PTPRN2: variants seen among roughly 807,000 people sequenced by gnomAD.
The protein encoded by PTPRN2 is protein tyrosine phosphatase receptor type N2.
A neutral mutation model predicts 118.8 loss-of-function variants in PTPRN2; 74 were observed. The observed-to-expected ratio is 0.62, with a 90% CI of 0.52 to 0.76. PTPRN2 has a LOEUF of 0.76. Ranked by LOEUF, PTPRN2 falls within the 30% of genes least tolerant of loss-of-function variation. The probability of loss-of-function intolerance (pLI) is 0.00; values close to 1 mark genes in which losing one functional copy is unlikely to be tolerated. For synonymous variants in PTPRN2, 641 were observed against 608.0 expected (o/e 1.05, Z -0.80); for missense variants, 1,481 against 1,394.4 (o/e 1.06, Z -0.99).
At chr7:158,327,135 ACT>A (rs1803661848) in intron 2 of PTPRN2, among the ~76,000 whole-genome samples, 1 of 37,986 alleles carries the variant, frequency 2.6e-5, no homozygotes, top group Non-Finnish European at 6.9e-5. Context: ...ACACATACAC[ACT>A]CATATCCACA....
At chr7:158,056,025 G>A (rs751129858) in intron 11 of PTPRN2, among the ~76,000 whole-genome samples, 6 of 152,192 alleles carry the variant, frequency 3.9e-5, no homozygotes, top group Admixed American at 6.5e-5. Flanking sequence ...AGTCCGGGCC[G>A]AGGCCCCTTC....
intron 13 of PTPRN2, among the ~76,000 whole-genome samples, chr7:157,659,208 GCCCTGCGGCC>G (rs1795756605): frequency 1.3e-5 from 2 of 150,668 alleles, no homozygotes; most frequent in African/African-American, 4.9e-5. Flanking sequence ...GTGGGAAGGG[GCCCTGCGGCC>G]CCCACTCTCC....
chr7:157,561,978 C>T (rs919208312), intron 21 of PTPRN2, among the ~76,000 whole-genome samples: 3 of 152,158 alleles, frequency 2.0e-5, no homozygotes, highest in Admixed American at 2.0e-4. Flanking sequence ...CTGGCATCTG[C>T]CAGAGAAGGA....
At chr7:158,181,865 C>T (rs1444921208) in intron 5 of PTPRN2, among the ~76,000 whole-genome samples, 1 of 152,108 alleles carries the variant, frequency 6.6e-6, no homozygotes, top group South Asian at 2.1e-4. Context: ...TTTCAAAAAA[C>T]CAATTTTTTG....
In PTPRN2 at chr7:158,570,536, G is replaced by A. The variant is rs1362712858; in HGVS notation, c.112+17022C>T. On this transcript the variant is annotated intron_variant, in intron 1 of 22. Coordinates refer to ENST00000389418, the MANE Select transcript of PTPRN2 (RefSeq NM_002847.5). The surrounding 1 kb of genome is among the most constrained non-coding windows in gnomAD (Gnocchi z 4.5). ...TCCCCGTGGTGGGTCCCGATCCCCC[G>A]GCCGGCTCTGCCACTGAAGCCTCTC... is the stretch of plus-strand genomic sequence containing the variant. Among the ~76,000 whole-genome samples, 7 of 152,044 alleles carry A rather than the reference G, an allele frequency of 4.6e-5. No individual in the cohort carries two copies. The highest frequency in any genetic ancestry group is 8.8e-5 in the Non-Finnish European group (6 of 68,012).
intron 21 of PTPRN2, among the ~76,000 whole-genome samples, chr7:157,551,868 G>A (rs917424233): frequency 3.3e-5 from 2 of 60,358 alleles, no homozygotes; most frequent in African/African-American, 6.7e-5. Context: ...CGCACCCCAT[G>A]GGCACCACGC....
At chr7:158,272,621 C>T (rs1286429868) in intron 3 of PTPRN2, among the ~76,000 whole-genome samples, 1 of 152,196 alleles carries the variant, frequency 6.6e-6, no homozygotes, top group Non-Finnish European at 1.5e-5. Flanking sequence ...GGGTTGAAAG[C>T]CTGAGTCCAG....
intron 14 of PTPRN2, among the ~76,000 whole-genome samples, chr7:157,635,072 G>A (rs1035672677): frequency 3.9e-5 from 6 of 152,198 alleles, no homozygotes; most frequent in Non-Finnish European, 7.3e-5. Context: ...ACAGCGACAC[G>A]GGCTCTAACC....
chr7:158,168,082 C>T (rs374786095), intron 5 of PTPRN2, among the ~76,000 whole-genome samples: 1 of 152,222 alleles, frequency 6.6e-6, no homozygotes. Context: ...TTTTCCAGCA[C>T]AGCAGCACCA....
chr7:158,130,287 A>C (rs560123991), intron 9 of PTPRN2, among the ~76,000 whole-genome samples: 3 of 152,304 alleles, frequency 2.0e-5, no homozygotes, highest in Non-Finnish European at 4.4e-5. Flanking sequence ...TCAAAATAAG[A>C]GGTACTTCTT....
rs181995896 is a variant in PTPRN2, at chr7:158,113,156, C to T, written c.1557-2241G>A. Among the ~76,000 whole-genome samples the T allele has an allele frequency of 1.5e-3, 230 of 152,184 alleles. 1 individual carries two copies. Among genetic ancestry groups the T allele is most frequent in the Admixed American group, 4.2e-3 (64 of 15,294 alleles). On this transcript the variant is annotated intron_variant, in intron 9 of 22. Transcript: ENST00000389418. ...CAAGAATTCCAAGAAGGAGAAGGGC[C>T]GGGCCTCAGATTGGTCCAGAGAGAT... is the stretch of plus-strand genomic sequence containing the variant.
chr7:157,772,104 TACAC>T (rs1160156324), intron 12 of PTPRN2, among the ~76,000 whole-genome samples: 2 of 130,300 alleles, frequency 1.5e-5, no homozygotes, highest in Non-Finnish European at 1.6e-5. Flanking sequence ...CACACATGGA[TACAC>T]ACACACAGAC....
At chr7:157,644,788 T>A in intron 14 of PTPRN2, among the ~76,000 whole-genome samples, 2 of 140,074 alleles carry the variant, frequency 1.4e-5, no homozygotes, top group Admixed American at 7.3e-5. Context: ...AGAGTGAAAC[T>A]CCATCTCAAA....
chr7:157,884,276 C>T (rs1466650293), intron 12 of PTPRN2, among the ~76,000 whole-genome samples: 1 of 152,208 alleles, frequency 6.6e-6, no homozygotes, highest in Non-Finnish European at 1.5e-5. Flanking sequence ...TAAATGTATG[C>T]CTTTTTGGCA....
At chr7:158,176,238 A>C (rs1036494976) in intron 5 of PTPRN2, among the ~76,000 whole-genome samples, 1 of 152,168 alleles carries the variant, frequency 6.6e-6, no homozygotes, top group African/African-American at 2.4e-5. Context: ...CTGGGGTTAG[A>C]GGTCAGTTGG....
chr7:158,480,675 A>G (rs1002808462), intron 2 of PTPRN2, among the ~76,000 whole-genome samples: 1 of 152,256 alleles, frequency 6.6e-6, no homozygotes, highest in Admixed American at 6.5e-5. Context: ...GCTACTCCAG[A>G]AAACGAGAAA....
intron 3 of PTPRN2, among the ~76,000 whole-genome samples, chr7:158,275,650 C>T (rs566753957): frequency 6.6e-5 from 10 of 152,306 alleles, no homozygotes; most frequent in South Asian, 2.1e-4. Flanking sequence ...TGCACGTAAT[C>T]GCAAGTAATT....
intron 12 of PTPRN2, among the ~76,000 whole-genome samples, chr7:157,769,136 G>A (rs905086909): frequency 6.6e-6 from 1 of 152,106 alleles, no homozygotes; most frequent in Non-Finnish European, 1.5e-5. Context: ...CGCCTCCACC[G>A]CGGCCAGCCC....
At chr7:158,415,996 G>C (rs1814628338) in intron 2 of PTPRN2, among the ~76,000 whole-genome samples, 1 of 152,186 alleles carries the variant, frequency 6.6e-6, no homozygotes, top group African/African-American at 2.4e-5. Context: ...CCACAGTCCT[G>C]TCTCTTCTAG....
Sources: gnomAD v4.1 joint callset for allele counts (sites outside exome capture counted in the v4.1 genomes callset) on GRCh38, gnomAD v4.1.1 for gene constraint, Gnocchi (gnomAD v3.1) non-coding constraint, MANE v1.5 for transcripts, NCBI Gene and HGNC (gene_info 2026-07-23, HGNC 2026-07-21) for gene names.